FAM217B: variants seen among roughly 807,000 people sequenced by gnomAD.
The protein encoded by FAM217B is family with sequence similarity 217 member B, also known as protein FAM217B.
For missense variants in FAM217B, 463 were observed against 456.9 expected (o/e 1.01, Z -0.12); for synonymous variants, 163 against 173.0 (o/e 0.94, Z 0.45).
upstream of FAM217B, among the ~76,000 whole-genome samples, chr20:59,936,002 A>G (rs1446048100): frequency 6.6e-6 from 1 of 152,138 alleles, no homozygotes. Flanking sequence ...TCCTCAAGCA[A>G]TTTTGTTATT....
upstream of FAM217B, chr20:59,939,122 G>A (rs751702671): frequency 1.9e-6 from 3 of 1,582,014 alleles, no homozygotes; most frequent in Admixed American, 1.8e-5. Context: ...CTCGGTGGTC[G>A]TTGTTGTCCC....
chr20:59,939,795 C>G, upstream of FAM217B: 1 of 1,228,990 alleles, frequency 8.1e-7, no homozygotes, highest in Non-Finnish European at 1.0e-6. Context: ...GCGGCCCGGG[C>G]TCCCAGGGGG....
At chr20:59,942,580 A>G (rs1368213344) in intron 3 of FAM217B, 68 bp downstream of exon 3, 1 of 152,200 alleles carries the variant, frequency 6.6e-6, no homozygotes, top group Admixed American at 6.5e-5. Context: ...CAGATTGAAT[A>G]TGTGGAGTGG....
intron 1 of FAM217B, among the ~76,000 whole-genome samples, chr20:59,934,385 G>T (rs1365142863): frequency 6.6e-6 from 1 of 152,252 alleles, no homozygotes; most frequent in African/African-American, 2.4e-5. Flanking sequence ...AGCCGCGAAA[G>T]GGTCTCCTTG....
chr20:59,935,864 A>C (rs1289031298), upstream of FAM217B, among the ~76,000 whole-genome samples: 1 of 152,240 alleles, frequency 6.6e-6, no homozygotes, highest in Non-Finnish European at 1.5e-5. Flanking sequence ...GTCATATAAC[A>C]GGTAGAGAGA....
chr20:59,946,720 G>A lies in FAM217B; in HGVS notation c.*1625G>A, dbSNP rs2060938997. The A allele has an allele frequency of 6.0e-6, 1 of 167,032 alleles. No homozygotes were observed. The highest frequency in any genetic ancestry group is 6.5e-5 in the Admixed American group (1 of 15,282). 10.3% of individuals were successfully genotyped at this position (167,032 alleles called of 1,614,324 possible). ...TGGAGAAAGCATACTTTTATGCTAA[G>A]ATCTTACTTTAAGCTTTTTATGTGA... On this transcript the variant is annotated 3_prime_UTR_variant, in exon 4 of 4. Coordinates refer to ENST00000360816, the MANE Select transcript of FAM217B (RefSeq NM_022106.3).
intron 1 of FAM217B, among the ~76,000 whole-genome samples, chr20:59,934,975 GTTT>G (rs906617810): frequency 2.0e-5 from 3 of 152,152 alleles, no homozygotes; most frequent in Non-Finnish European, 2.9e-5. Flanking sequence ...TGATATCTTA[GTTT>G]TTTAATTCAG....
chr20:59,939,021 C>T (rs769759075), upstream of FAM217B: 47 of 1,503,066 alleles, frequency 3.1e-5, no homozygotes, highest in South Asian at 5.4e-4. Context: ...GGTGGCCGGT[C>T]CCCGCGCGGC....
intron 1 of FAM217B, 170 bp from the exon 2 acceptor site, chr20:59,942,028 A>G (rs987049839): frequency 6.6e-6 from 1 of 152,284 alleles, no homozygotes; most frequent in African/African-American, 2.4e-5. Context: ...GCATAAGACA[A>G]TGTCTCCCTT....
upstream of FAM217B, chr20:59,939,504 C>T (rs760464270): frequency 1.2e-6 from 2 of 1,612,212 alleles, no homozygotes; most frequent in Admixed American, 3.3e-5. Flanking sequence ...CTGGCTGCTG[C>T]AGCACAGGTC....
At position 59,946,276 on chromosome 20, in the gene FAM217B, G is replaced by C. The variant is rs1402132526; in HGVS notation, c.*1181G>C. On this transcript the variant is annotated 3_prime_UTR_variant, in exon 4 of 4. Transcript: ENST00000360816. ...CCTATAGTTGTGCTGTGAGTTTTCT[G>C]TTCATATTTGCGCAGTGTATTTTAA... 6.0e-6 allele frequency: 1 copy of C among 166,928 alleles called. No individual in the cohort carries two copies. Among genetic ancestry groups the C allele is most frequent in the Non-Finnish European group, 1.5e-5 (1 of 68,094 alleles). 10.3% of individuals were successfully genotyped at this position (166,928 alleles called of 1,614,324 possible).
Position 59,947,775 on chromosome 20 carries a change from A to G in FAM217B, c.*2680A>G, listed in dbSNP as rs971765254. 1 of 167,088 alleles carries G rather than the reference A, an allele frequency of 6.0e-6. No individual in the cohort carries two copies. 10.4% of individuals were successfully genotyped at this position (167,088 alleles called of 1,614,324 possible). ...CTATTACAGAATTAACATAAGCACA[A>G]TTTTAATTTTATGATATCTGATATG... On this transcript the variant is annotated 3_prime_UTR_variant, in exon 4 of 4. Coordinates refer to ENST00000360816, the MANE Select transcript of FAM217B (RefSeq NM_022106.3).
chr20:59,939,175 C>G (rs567847258), upstream of FAM217B: 3 of 1,609,724 alleles, frequency 1.9e-6, no homozygotes, highest in South Asian at 1.1e-5. Flanking sequence ...GCGAAGTGCA[C>G]GCGGGAGCCG....
upstream of FAM217B, chr20:59,939,874 C>T: frequency 8.0e-7 from 1 of 1,248,192 alleles, no homozygotes. Context: ...CTCCGGGGGC[C>T]GAGCTTCCGG....
At position 59,948,366 on chromosome 20, in the gene FAM217B, A is replaced by G. The variant is rs1258554317; in HGVS notation, c.*3271A>G. The G allele has an allele frequency of 6.0e-6, 1 of 167,100 alleles. No individual in the cohort carries two copies. Among genetic ancestry groups the G allele is most frequent in the Non-Finnish European group, 1.5e-5 (1 of 68,108 alleles). The allele number at this position is 167,100 out of a possible 1,614,324, so 10.4% of individuals were successfully genotyped here. A position where few individuals can be genotyped will look rare whatever the true frequency, so the allele number is the denominator to read the frequency against. On this transcript the variant is annotated 3_prime_UTR_variant, in exon 4 of 4. Coordinates refer to ENST00000360816, the MANE Select transcript of FAM217B (RefSeq NM_022106.3). ...CTACTGTGTTGCTTTTCAGAAGGAC[A>G]TAAGACTTTCTACTTTATCTGATAT... is the stretch of plus-strand genomic sequence containing the variant.
chr20:59,935,419 T>C (rs1390269224), upstream of FAM217B, among the ~76,000 whole-genome samples: 1 of 144,842 alleles, frequency 6.9e-6, no homozygotes, highest in South Asian at 2.1e-4. Flanking sequence ...TTACTGTTAA[T>C]TTTTTTTAAA....
chr20:59,943,826 A>C (rs1432051429), intron 3 of FAM217B, 114 bp from the exon 4 acceptor site: 1 of 817,328 alleles, frequency 1.2e-6, no homozygotes, highest in African/African-American at 1.7e-5. Flanking sequence ...TCTAATGCCT[A>C]CTAATAGCTG....
At position 59,944,741 on chromosome 20, in the gene FAM217B, T is replaced by A. The variant is rs1215284820; in HGVS notation, c.798T>A (p.Thr266=). Residue 266 remains threonine (T), a synonymous_variant, in exon 4 of 4, where the codon ACT becomes ACA. Coordinates refer to ENST00000360816, the MANE Select transcript of FAM217B (RefSeq NM_022106.3). ...ACCCATCACATTATGCATTTGAGACTTCCCCTAGACCCATTGATGTGCTTG... is the reference window on the plus strand; with the variant it reads ...ACCCATCACATTATGCATTTGAGACATCCCCTAGACCCATTGATGTGCTTG... ...EIHPSHYAFE[T]SPRPIDVLGG... is the part of the protein sequence containing the mutation. 1.2e-6 allele frequency: 2 copies of A among 1,614,190 alleles called. No homozygotes were observed. The highest frequency in any genetic ancestry group is 1.7e-6 in the Non-Finnish European group (2 of 1,180,028).
upstream of FAM217B, chr20:59,936,646 A>G (rs2145943907): frequency 6.6e-6 from 1 of 152,344 alleles, no homozygotes; most frequent in East Asian, 1.9e-4. Flanking sequence ...CACATACAAC[A>G]ACTCTGCTAC....
Sources: allele counts gnomAD v4.1 joint callset (sites outside exome capture counted in the v4.1 genomes callset), GRCh38; gene constraint gnomAD v4.1.1; transcripts MANE v1.5; gene names NCBI Gene and HGNC (gene_info 2026-07-23, HGNC 2026-07-21).